DLG1: variants seen among roughly 807,000 people sequenced by gnomAD.
DLG1 encodes the protein discs large MAGUK scaffold protein 1.
In DLG1, 42 loss-of-function variants were observed where a neutral mutation model predicts 123.4. That is an observed-to-expected ratio of 0.34 (90% CI 0.27 to 0.44). The LOEUF (loss-of-function observed/expected upper bound fraction) is 0.44. DLG1 is among the 20% of genes least tolerant of loss of function. DLG1 has a pLI of 1.00. For synonymous variants in DLG1, 317 were observed against 356.2 expected, an observed-to-expected ratio of 0.89 and a Z score of 1.24; for missense variants, 942 against 1,082.6, an observed-to-expected ratio of 0.87 and a Z score of 1.82.
chr3:197,077,415 G>T (rs1456678399), intron 17 of DLG1, among the ~76,000 whole-genome samples: 1 of 152,024 alleles, frequency 6.6e-6, no homozygotes, highest in East Asian at 1.9e-4. Flanking sequence ...CCTGACCAAC[G>T]TGAATGCTTC....
chr3:197,176,465 T>C (rs1012384226), intron 5 of DLG1, among the ~76,000 whole-genome samples: 1 of 152,140 alleles, frequency 6.6e-6, no homozygotes, highest in Non-Finnish European at 1.5e-5. Flanking sequence ...CTCTATTATT[T>C]ATCCCTCTCA....
chr3:197,181,180 T>C (rs1711565911), intron 5 of DLG1, among the ~76,000 whole-genome samples: 1 of 152,132 alleles, frequency 6.6e-6, no homozygotes, highest in African/African-American at 2.4e-5. Flanking sequence ...TTAAATCAGA[T>C]ACTTTTCATA....
intron 14 of DLG1, among the ~76,000 whole-genome samples, chr3:197,098,585 A>C (rs1314919083): frequency 6.6e-6 from 1 of 152,026 alleles, no homozygotes; most frequent in East Asian, 1.9e-4. Context: ...CTCAGGCCGG[A>C]GTGCAGTGGT....
chr3:197,111,642 A>G (rs181171114), intron 13 of DLG1, among the ~76,000 whole-genome samples: 1 of 152,208 alleles, frequency 6.6e-6, no homozygotes, highest in Non-Finnish European at 1.5e-5. Context: ...ACTACCCCAG[A>G]CAAGACATGT....
At chr3:197,097,529 G>A (rs987710348) in intron 14 of DLG1, among the ~76,000 whole-genome samples, 5 of 151,522 alleles carry the variant, frequency 3.3e-5, no homozygotes, top group South Asian at 4.2e-4. Flanking sequence ...TGAGGGAGAG[G>A]AGGAGTTTTG....
At chr3:197,154,071 G>A (rs925881788) in intron 5 of DLG1, among the ~76,000 whole-genome samples, 2 of 152,142 alleles carry the variant, frequency 1.3e-5, no homozygotes, top group Non-Finnish European at 2.9e-5. Context: ...GGGAGGCTGA[G>A]GCGGGCAGAT....
intron 4 of DLG1, among the ~76,000 whole-genome samples, chr3:197,271,745 A>C (rs1229393393): frequency 6.6e-6 from 1 of 152,230 alleles, no homozygotes. Flanking sequence ...GTACTAAGAT[A>C]ACACAGAAGA....
chr3:197,150,043 G>A (rs1377290669), intron 5 of DLG1, among the ~76,000 whole-genome samples: 1 of 152,070 alleles, frequency 6.6e-6, no homozygotes, highest in Admixed American at 6.6e-5. Context: ...ATTTTCTTAA[G>A]TTTTACACAG....
chr3:197,283,938 G>A (rs1291301988), intron 3 of DLG1, among the ~76,000 whole-genome samples: 12 of 147,584 alleles, frequency 8.1e-5, no homozygotes, highest in Admixed American at 1.4e-4. Flanking sequence ...CTTGGCTCAC[G>A]GCAACCTCCA....
intron 5 of DLG1, among the ~76,000 whole-genome samples, chr3:197,166,492 T>C (rs1051194535): frequency 3.3e-5 from 5 of 152,354 alleles, no homozygotes; most frequent in Admixed American, 2.0e-4. Context: ...TATATGTGCA[T>C]AGGTCTGCTA....
rs1418330270 is a variant in DLG1 at position 197,050,996 on chromosome 3, GAAATCT to G, written c.2575+575_2575+580del. ...AAAATCAGAGTTTCATAGAAGAAAT[GAAATCT>G]AAATCTATTTTTCTCTGGTCAAGTA... is the stretch of plus-strand genomic sequence containing the variant. On this transcript the variant is annotated intron_variant, in intron 24 of 24. Coordinates refer to ENST00000667157, the MANE Select transcript of DLG1 (RefSeq NM_001366207.1). 4.6e-5 allele frequency among the ~76,000 whole-genome samples: 7 copies of G among 152,312 alleles called. No homozygotes were observed. In the East Asian group the frequency reaches 1.2e-3, roughly 25 times the overall value.
rs34360912 is a variant in DLG1 at position 197,232,361 on chromosome 3, TAA to T, written c.319-37774_319-37773del. Among the ~76,000 whole-genome samples the T allele has an allele frequency of 8.3e-3, 1,004 of 121,188 alleles. 7 individuals are homozygous for T. Among genetic ancestry groups the T allele is most frequent in the South Asian group, 0.024 (92 of 3,760 alleles). 79.5% of individuals were successfully genotyped at this position (121,188 alleles called of 152,430 possible). Reference sequence around the variant, plus strand: ...CATGGATGACAGAGACCTTGTCTCTTAAAAAAAAAAAAAAAAAAAGGTGCAAG... The same window carrying T: ...CATGGATGACAGAGACCTTGTCTCTTAAAAAAAAAAAAAAAAAGGTGCAAG... On this transcript the variant is annotated intron_variant, in intron 4 of 24. Transcript: ENST00000667157.
intron 4 of DLG1, among the ~76,000 whole-genome samples, chr3:197,273,210 G>T (rs1198020515): frequency 6.6e-6 from 1 of 150,648 alleles, no homozygotes; most frequent in East Asian, 1.9e-4. Context: ...GTGTGTGTGT[G>T]TATGTGTGTG....
intron 4 of DLG1, among the ~76,000 whole-genome samples, chr3:197,250,980 C>CAAAAAAAAAAAAAAAA (rs34378051): frequency 1.1e-5 from 1 of 87,128 alleles, no homozygotes; most frequent in Non-Finnish European, 2.3e-5. Context: ...AAGACTCCAT[C>CAAAAAAAAAAAAAAAA]AAAAAAAAAA....
At chr3:197,113,714 G>T (rs540217222) in intron 13 of DLG1, among the ~76,000 whole-genome samples, 1 of 151,930 alleles carries the variant, frequency 6.6e-6, no homozygotes, top group Non-Finnish European at 1.5e-5. Flanking sequence ...TCTTAAAATC[G>T]TAGCTTTTAA....
chr3:197,148,966 A>G (rs555258201), intron 6 of DLG1, among the ~76,000 whole-genome samples: 1 of 152,320 alleles, frequency 6.6e-6, no homozygotes, highest in East Asian at 1.9e-4. Context: ...TTTTGATAAC[A>G]TAATGTTTAA....
At chr3:197,099,141 T>C (rs1415661606) in intron 14 of DLG1, among the ~76,000 whole-genome samples, 1 of 152,214 alleles carries the variant, frequency 6.6e-6, no homozygotes, top group Non-Finnish European at 1.5e-5. Context: ...TCATGGCTCA[T>C]AGTAGCTCTG....
intron 12 of DLG1, among the ~76,000 whole-genome samples, chr3:197,117,251 G>A (rs1333405804): frequency 6.6e-6 from 1 of 152,150 alleles, no homozygotes; most frequent in South Asian, 2.1e-4. Flanking sequence ...ATAAAACGGT[G>A]CAGGCACTAC....
chr3:197,214,546 C>T (rs1159553539), intron 4 of DLG1, among the ~76,000 whole-genome samples: 2 of 151,864 alleles, frequency 1.3e-5, no homozygotes, highest in African/African-American at 2.4e-5. Flanking sequence ...GCACTCTAGC[C>T]TGGGCGACAG....
Sources: allele counts gnomAD v4.1 joint callset (sites outside exome capture counted in the v4.1 genomes callset), GRCh38; gene constraint gnomAD v4.1.1; transcripts MANE v1.5; gene names NCBI Gene and HGNC (gene_info 2026-07-23, HGNC 2026-07-21).